The following NTM variants were observed in gnomAD, a reference collection of about 807,000 sequenced individuals.
NTM encodes the protein neurotrimin, also known as IgLON family member 2.
In NTM, 13 loss-of-function variants were observed where a neutral mutation model predicts 42.1. That is an observed-to-expected ratio of 0.31 (90% CI 0.20 to 0.49). The LOEUF is 0.49. Ranked by LOEUF, NTM falls within the 20% of genes least tolerant of loss-of-function variation. The probability of loss-of-function intolerance (pLI) is 0.99; values close to 1 mark genes in which losing one functional copy is unlikely to be tolerated. For missense variants in NTM, 373 were observed against 452.8 expected (o/e 0.82, Z 1.60); for synonymous variants, 187 against 179.2 (o/e 1.04, Z -0.35).
intron 5 of NTM, among the ~76,000 whole-genome samples, chr11:132,308,176 G>A (rs1342439907): frequency 6.6e-6 from 1 of 152,156 alleles, no homozygotes; most frequent in African/African-American, 2.4e-5. Context: ...TTGTGCTGGA[G>A]CCTCTCACTG....
At chr11:131,620,254 G>A (rs1056548636) in intron 1 of NTM, among the ~76,000 whole-genome samples, 1 of 152,144 alleles carries the variant, frequency 6.6e-6, no homozygotes, top group Non-Finnish European at 1.5e-5. Flanking sequence ...CTCTTCAGCT[G>A]CACCAAGGGT....
At chr11:132,044,050 ATGTG>A (rs2077574430) in intron 2 of NTM, among the ~76,000 whole-genome samples, 1 of 130,972 alleles carries the variant, frequency 7.6e-6, no homozygotes, top group Admixed American at 7.8e-5. Flanking sequence ...GTGTATGGGT[ATGTG>A]TGTATGTGTG....
intron 1 of NTM, among the ~76,000 whole-genome samples, chr11:131,880,850 T>A (rs2049358158): frequency 6.6e-6 from 1 of 152,084 alleles, no homozygotes; most frequent in Non-Finnish European, 1.5e-5. Context: ...GAATTCATGA[T>A]AACTAATTCT....
intron 1 of NTM, among the ~76,000 whole-genome samples, chr11:131,674,047 C>T (rs147211781): frequency 6.6e-6 from 1 of 152,182 alleles, no homozygotes; most frequent in Non-Finnish European, 1.5e-5. Flanking sequence ...TATTTTACAA[C>T]CTTGATACTT....
intron 1 of NTM, among the ~76,000 whole-genome samples, chr11:131,787,731 A>G (rs937574621): frequency 2.6e-5 from 4 of 152,246 alleles, no homozygotes; most frequent in Admixed American, 2.0e-4. Context: ...TTTCTATGCC[A>G]TGGGATAGTT....
At chr11:132,259,773 G>A (rs906195085) in intron 4 of NTM, among the ~76,000 whole-genome samples, 3 of 151,766 alleles carry the variant, frequency 2.0e-5, no homozygotes, top group Non-Finnish European at 4.4e-5. Context: ...TTGTTGAGAC[G>A]GAGTCTCTCT....
At chr11:132,321,241 A>G (rs2095561934) in intron 7 of NTM, among the ~76,000 whole-genome samples, 1 of 152,194 alleles carries the variant, frequency 6.6e-6, no homozygotes, top group African/African-American at 2.4e-5. Flanking sequence ...CTACGGGAGG[A>G]CATTTCAAAC....
rs547945912 is a variant in NTM at position 132,299,723 on chromosome 11, T to C, written c.527-7966T>C. On this transcript the variant is annotated intron_variant, in intron 4 of 8. Coordinates refer to ENST00000683400, the MANE Select transcript of NTM (RefSeq NM_001352005.2). ...TGGGCTCTATGTTTGTTATCAACTG[T>C]GTGAGGTCTGTCCTGCAGTGTTACA... 1.4e-4 allele frequency among the ~76,000 whole-genome samples: 21 copies of C among 152,316 alleles called. No individual in the cohort carries two copies. In the South Asian group the frequency reaches 4.4e-3, roughly 32 times the overall value.
intron 1 of NTM, among the ~76,000 whole-genome samples, chr11:131,632,328 T>C (rs2063735634): frequency 6.6e-6 from 1 of 152,224 alleles, no homozygotes. Context: ...GTGCCCGTCT[T>C]TTATTACTGG....
At chr11:131,968,353 A>G (rs5005275) in intron 2 of NTM, among the ~76,000 whole-genome samples, 15,653 of 152,160 alleles carry the variant, frequency 0.1, 1,217 homozygotes, top group African/African-American at 0.22. Flanking sequence ...GGACCCTGGT[A>G]TCCAGTGCAT....
intron 1 of NTM, among the ~76,000 whole-genome samples, chr11:131,371,958 G>A (rs1324095334): frequency 6.6e-6 from 1 of 152,210 alleles, no homozygotes; most frequent in Non-Finnish European, 1.5e-5. Flanking sequence ...CCAGAGGAAA[G>A]TTCCCTCTGA....
chr11:131,690,806 C>A (rs2074572082), intron 1 of NTM, among the ~76,000 whole-genome samples: 1 of 152,176 alleles, frequency 6.6e-6, no homozygotes, highest in Admixed American at 6.5e-5. Flanking sequence ...TGGAGCAGAG[C>A]CAGCCTGAGG....
rs138692483 is a variant in NTM, at chr11:132,189,890, G to T, written c.401-22132G>T. ...CAAGAAACACTGTTCCATGCTGGGGGCCATAAAGGCGAAGCACACAAAAGA... is the reference window on the plus strand; with the variant it reads ...CAAGAAACACTGTTCCATGCTGGGGTCCATAAAGGCGAAGCACACAAAAGA... On this transcript the variant is annotated intron_variant, in intron 3 of 8. Transcript: ENST00000683400. 1.1e-4 allele frequency among the ~76,000 whole-genome samples: 17 copies of T among 152,314 alleles called. No homozygotes were observed. In the East Asian group the frequency reaches 3.3e-3, roughly 29 times the overall value.
intron 1 of NTM, among the ~76,000 whole-genome samples, chr11:131,592,022 T>C (rs1565676402): frequency 6.6e-6 from 1 of 152,200 alleles, no homozygotes; most frequent in Admixed American, 6.5e-5. Context: ...TAGAGCACTT[T>C]TGCCCCTGGT....
At chr11:131,418,467 A>C (rs1207999097) in intron 1 of NTM, among the ~76,000 whole-genome samples, 1 of 152,298 alleles carries the variant, frequency 6.6e-6, no homozygotes, top group East Asian at 1.9e-4. Context: ...CCCATCTTCC[A>C]CTCACAGGGA....
chr11:131,839,006 G>A (rs1463624971), intron 1 of NTM, among the ~76,000 whole-genome samples: 15 of 151,242 alleles, frequency 9.9e-5, no homozygotes, highest in African/African-American at 3.2e-4. Context: ...TGTCACCCGG[G>A]CTGGAGTGCA....
At chr11:131,898,857 T>A (rs1008560291) in intron 1 of NTM, among the ~76,000 whole-genome samples, 1 of 152,182 alleles carries the variant, frequency 6.6e-6, no homozygotes, top group Admixed American at 6.5e-5. Flanking sequence ...TCCCCCACCT[T>A]CTGTTGAGGC....
At chr11:132,027,669 A>G (rs2075366860) in intron 2 of NTM, among the ~76,000 whole-genome samples, 1 of 152,000 alleles carries the variant, frequency 6.6e-6, no homozygotes, top group African/African-American at 2.4e-5. Flanking sequence ...CAGTTTCTCA[A>G]GTTTGCCTGT....
chr11:132,044,779 G>C (rs1472423056), intron 2 of NTM, among the ~76,000 whole-genome samples: 1 of 152,080 alleles, frequency 6.6e-6, no homozygotes, highest in African/African-American at 2.4e-5. Flanking sequence ...AGAAAATCTA[G>C]ACGAAATGGA....
Sources: allele counts gnomAD v4.1 joint callset (sites outside exome capture counted in the v4.1 genomes callset), GRCh38; gene constraint gnomAD v4.1.1; transcripts MANE v1.5; gene names NCBI Gene and HGNC (gene_info 2026-07-23, HGNC 2026-07-21).